SNTG2: variants seen among roughly 807,000 people sequenced by gnomAD.
The protein encoded by SNTG2 is syntrophin gamma 2.
Under a neutral mutation model 70.9 loss-of-function variants are expected in SNTG2, and 74 were observed. That is an observed-to-expected ratio of 1.04 (90% CI 0.86 to 1.27). The LOEUF is 1.27. Ranked by LOEUF, SNTG2 falls within the 50% of genes most tolerant of loss-of-function variation. The pLI, the probability that SNTG2 is intolerant of heterozygous loss-of-function variation, is 0.00. For missense variants in SNTG2, 717 were observed against 690.7 expected (o/e 1.04, Z -0.43); for synonymous variants, 278 against 273.8 (o/e 1.02, Z -0.15).
At chr2:1,181,092 A>G (rs1265560496) in intron 8 of SNTG2, among the ~76,000 whole-genome samples, 1 of 152,196 alleles carries the variant, frequency 6.6e-6, no homozygotes, top group Admixed American at 6.5e-5. Flanking sequence ...GGAGAGGGAT[A>G]GCATTAGGAG....
At chr2:1,193,612 A>C (rs1205650589) in intron 8 of SNTG2, among the ~76,000 whole-genome samples, 1 of 151,922 alleles carries the variant, frequency 6.6e-6, no homozygotes, top group East Asian at 1.9e-4. Context: ...AGAAAAAAAA[A>C]CATTTTTATG....
intron 8 of SNTG2, among the ~76,000 whole-genome samples, chr2:1,196,655 G>T (rs1672927961): frequency 6.6e-6 from 1 of 152,072 alleles, no homozygotes. Flanking sequence ...ATATAAGGGA[G>T]AACCTCCATC....
At chr2:1,317,891 G>A (rs12718454) in intron 16 of SNTG2, among the ~76,000 whole-genome samples, 26,294 of 73,142 alleles carry the variant, frequency 0.36, 7,350 homozygotes, top group Middle Eastern at 0.57. Flanking sequence ...TTGAAACAAA[G>A]TATTTGATTT....
At chr2:1,197,330 A>G (rs1672968567) in intron 8 of SNTG2, among the ~76,000 whole-genome samples, 1 of 151,992 alleles carries the variant, frequency 6.6e-6, no homozygotes, top group Non-Finnish European at 1.5e-5. Flanking sequence ...CTATAATTAT[A>G]TCAGATAAAA....
Position 1,137,752 on chromosome 2 carries a change from T to C in SNTG2, c.370-16T>C, listed in dbSNP as rs991820205. 1 of 1,613,872 alleles carries C rather than the reference T, an allele frequency of 6.2e-7. No individual in the cohort carries two copies. Among genetic ancestry groups the C allele is most frequent in the South Asian group, 1.1e-5 (1 of 91,056 alleles). On this transcript the variant is annotated splice_polypyrimidine_tract_variant and intron_variant, in intron 5 of 16. Coordinates refer to ENST00000308624, the MANE Select transcript of SNTG2 (RefSeq NM_018968.4). The stretch of plus-strand genomic sequence containing the variant: ...CAATCGTTATTCTCAACATTCTTAC[T>C]TTGTCATCTGTTCAGGTTAATGGCA...
chr2:1,067,703 G>C (rs917448908), intron 1 of SNTG2, among the ~76,000 whole-genome samples: 1 of 152,124 alleles, frequency 6.6e-6, no homozygotes, highest in African/African-American at 2.4e-5. Flanking sequence ...GGTAAAACTT[G>C]AGCACTGGAA....
At chr2:1,276,120 C>G (rs1035907863) in intron 14 of SNTG2, among the ~76,000 whole-genome samples, 3 of 152,234 alleles carry the variant, frequency 2.0e-5, no homozygotes, top group African/African-American at 7.2e-5. Context: ...CTCCAAAACA[C>G]TGAAGTGCAA....
chr2:1,016,288 C>T (rs1659889337), intron 1 of SNTG2, among the ~76,000 whole-genome samples: 1 of 152,228 alleles, frequency 6.6e-6, no homozygotes, highest in Admixed American at 6.5e-5. Flanking sequence ...GTCACCCAGG[C>T]TGGAGTTCAG....
chr2:1,089,722 G>A (rs539338013), intron 2 of SNTG2, among the ~76,000 whole-genome samples: 8 of 152,312 alleles, frequency 5.3e-5, no homozygotes, highest in African/African-American at 1.4e-4. Context: ...CAAATAGCGC[G>A]TCACTCAAGT....
At chr2:1,255,237 G>A (rs547670366) in intron 12 of SNTG2, among the ~76,000 whole-genome samples, 5 of 152,282 alleles carry the variant, frequency 3.3e-5, no homozygotes, top group East Asian at 3.9e-4. Context: ...TAAGGAATTC[G>A]TTTGCAATTC....
intron 16 of SNTG2, among the ~76,000 whole-genome samples, chr2:1,356,729 G>A (rs570107453): frequency 6.6e-6 from 1 of 152,110 alleles, no homozygotes. Flanking sequence ...TTTGATGGAT[G>A]TTGCATTGAA....
intron 8 of SNTG2, among the ~76,000 whole-genome samples, chr2:1,197,493 G>GTTTATATATATATGTGTATA (rs1672984390): frequency 1.1e-5 from 1 of 92,532 alleles, no homozygotes; most frequent in African/African-American, 3.4e-5. Context: ...ATATGTGTAT[G>GTTTATATATATATGTGTATA]TATATATGTG....
At chr2:1,154,604 A>G (rs900616433) in intron 6 of SNTG2, among the ~76,000 whole-genome samples, 1 of 152,148 alleles carries the variant, frequency 6.6e-6, no homozygotes, top group South Asian at 2.1e-4. Flanking sequence ...GACAGTGACA[A>G]CTTGTCATTG....
chr2:1,162,855 T>G (rs868714798), intron 6 of SNTG2, among the ~76,000 whole-genome samples: 5 of 152,158 alleles, frequency 3.3e-5, no homozygotes, highest in African/African-American at 9.7e-5. Flanking sequence ...AGAGGAGGGC[T>G]TCTATTTCAC....
At chr2:1,203,690 A>G (rs28517517) in intron 8 of SNTG2, among the ~76,000 whole-genome samples, 34,925 of 141,356 alleles carry the variant, frequency 0.25, 4,819 homozygotes, top group East Asian at 0.49. Context: ...ATATATATAT[A>G]TGTGTGTGTG....
At chr2:1,182,743 G>T (rs1403604463) in intron 8 of SNTG2, among the ~76,000 whole-genome samples, 4 of 151,982 alleles carry the variant, frequency 2.6e-5, no homozygotes, top group Non-Finnish European at 5.9e-5. Context: ...AAAATAATCA[G>T]TTTTTTTGTT....
chr2:1,050,625 T>G (rs1444446354), intron 1 of SNTG2, among the ~76,000 whole-genome samples: 4 of 152,224 alleles, frequency 2.6e-5, no homozygotes, highest in Non-Finnish European at 5.9e-5. Context: ...CTTCCAGGAT[T>G]TCCTTGACTA....
intron 14 of SNTG2, among the ~76,000 whole-genome samples, chr2:1,283,372 T>C (rs2148210838): frequency 6.6e-6 from 1 of 152,286 alleles, no homozygotes; most frequent in East Asian, 1.9e-4. Flanking sequence ...ACATGGAGGC[T>C]TCTCAGCCCC....
At chr2:1,036,981 G>A (rs1358513255) in intron 1 of SNTG2, among the ~76,000 whole-genome samples, 1 of 121,232 alleles carries the variant, frequency 8.2e-6, no homozygotes, top group Admixed American at 8.3e-5. Context: ...ACCTGGAGGT[G>A]AGGGCAGTAT....
Sources: gnomAD v4.1 joint callset for allele counts (sites outside exome capture counted in the v4.1 genomes callset) on GRCh38, gnomAD v4.1.1 for gene constraint, MANE v1.5 for transcripts, NCBI Gene and HGNC (gene_info 2026-07-23, HGNC 2026-07-21) for gene names.